Variants in SERBP1 observed in about 807,000 individuals in gnomAD.
SERBP1 encodes SERPINE1 mRNA-binding protein 1.
A neutral mutation model predicts 50.2 loss-of-function variants in SERBP1; 6 were observed. The ratio of observed to expected loss-of-function variants is 0.12; its 90% CI spans 0.07 to 0.24. The LOEUF (loss-of-function observed/expected upper bound fraction) is 0.24. SERBP1 is among the 10% of genes least tolerant of loss of function. The pLI is 1.00. For synonymous variants in SERBP1, 168 were observed against 182.8 expected (o/e 0.92, Z 0.65); for missense variants, 346 against 524.9 (o/e 0.66, Z 3.33).
At chr1:67,418,139 C>T (rs1311432195) in intron 6 of SERBP1, among the ~76,000 whole-genome samples, 1 of 151,668 alleles carries the variant, frequency 6.6e-6, no homozygotes, top group Non-Finnish European at 1.5e-5. Flanking sequence ...CCACACCAGG[C>T]TAATTTTGTA....
chr1:67,421,132 C>CA (rs112864643), intron 5 of SERBP1, among the ~76,000 whole-genome samples: 1,412 of 140,704 alleles, frequency 0.01, 6 homozygotes, highest in Non-Finnish European at 0.013. Flanking sequence ...ATCTATGCTG[C>CA]AAAAAAAAAA....
intron 6 of SERBP1, among the ~76,000 whole-genome samples, chr1:67,418,770 AT>A (rs1442931391): frequency 6.7e-5 from 10 of 148,986 alleles, no homozygotes; most frequent in Non-Finnish European, 9.0e-5. Context: ...AAAAAAAAAA[AT>A]AAAAATAACT....
chr1:67,408,339 A>T lies in SERBP1; in HGVS notation c.*4868T>A, dbSNP rs200316646. 6.6e-6 allele frequency: 1 copy of T among 152,214 alleles called. No homozygotes were observed. The highest frequency in any genetic ancestry group is 2.4e-5 in the African/African-American group (1 of 41,456). The allele number at this position is 152,214 out of a possible 1,614,324, so 9.4% of individuals were successfully genotyped here. A position where few individuals can be genotyped will look rare whatever the true frequency, so the allele number is the denominator to read the frequency against. On this transcript the variant is annotated 3_prime_UTR_variant, in exon 8 of 8. Coordinates refer to ENST00000361219, the MANE Select transcript of SERBP1 (RefSeq NM_001018069.2). ...CTCAAGAAGAGTAATGTCATACAAG[A>T]GCACTAGGAATTGCCACATACTCCC...
In SERBP1 at chr1:67,424,765, T is replaced by C. The variant is rs907903764; in HGVS notation, c.695+123A>G. The C allele has an allele frequency of 6.7e-6, 5 of 749,426 alleles. No individual in the cohort carries two copies. In the African/African-American group the frequency reaches 8.8e-5, roughly 13 times the overall value. 46.4% of individuals were successfully genotyped at this position (749,426 alleles called of 1,614,324 possible). A position where few individuals can be genotyped will look rare whatever the true frequency, so the allele number is the denominator to read the frequency against. On this transcript the variant is annotated intron_variant, in intron 4 of 7. Transcript: ENST00000361219. ...CAAACCCATCCCATAAGACATTATC[T>C]TGTAATATAGTAACTCTCAGAAGAG...
At chr1:67,416,668 C>A (rs536862067) in intron 6 of SERBP1, among the ~76,000 whole-genome samples, 5 of 152,190 alleles carry the variant, frequency 3.3e-5, no homozygotes, top group African/African-American at 1.2e-4. Flanking sequence ...CTTTAAAGTA[C>A]AAATAAATTT....
chr1:67,423,310 A>G (rs188751715), intron 5 of SERBP1, among the ~76,000 whole-genome samples: 1 of 138,332 alleles, frequency 7.2e-6, no homozygotes, highest in Admixed American at 7.4e-5. Context: ...CACACAAAAA[A>G]AAAAGTTAGT....
In SERBP1 at chr1:67,428,976, G is replaced by A. The variant is rs1424427497; in HGVS notation, c.313+1012C>T. Among the ~76,000 whole-genome samples, 3 of 152,098 alleles carry A rather than the reference G, an allele frequency of 2.0e-5. No homozygotes were observed. In the South Asian group the frequency reaches 6.2e-4, roughly 31 times the overall value. On this transcript the variant is annotated intron_variant, in intron 1 of 7. Coordinates refer to ENST00000361219, the MANE Select transcript of SERBP1 (RefSeq NM_001018069.2). ...TCATGCACGTTCTTATCTCCAAACT[G>A]CTTGCTCTTTTTTTTCATCCGCAAC...
rs397861816 is a variant in SERBP1, at chr1:67,417,971, G to GTTTTT, written c.951+2033_951+2037dup. On this transcript the variant is annotated intron_variant, in intron 6 of 7. Transcript: ENST00000361219. ...GAAGACATGTGAAAGTTAAAGTGTT[G>GTTTTT]TTTTTTTTTTTTTTTTTTTTTTTTG... 5.6e-3 allele frequency among the ~76,000 whole-genome samples: 433 copies of GTTTTT among 76,802 alleles called. 7 individuals are homozygous for GTTTTT. The highest frequency in any genetic ancestry group is 6.6e-3 in the African/African-American group (120 of 18,198). 50.4% of individuals were successfully genotyped at this position (76,802 alleles called of 152,430 possible). A position where few individuals can be genotyped will look rare whatever the true frequency, so the allele number is the denominator to read the frequency against.
intron 6 of SERBP1, among the ~76,000 whole-genome samples, chr1:67,418,672 C>T (rs1038102389): frequency 9.2e-5 from 14 of 151,914 alleles, no homozygotes; most frequent in Non-Finnish European, 2.1e-4. Flanking sequence ...GACACAAGAA[C>T]TGTTTGAATC....
chr1:67,419,167 C>A (rs1667125673), intron 6 of SERBP1, among the ~76,000 whole-genome samples: 1 of 152,210 alleles, frequency 6.6e-6, no homozygotes, highest in African/African-American at 2.4e-5. Flanking sequence ...CCTTTTCTTC[C>A]TATCCAAAAT....
At position 67,425,174 on chromosome 1, in the gene SERBP1, G is replaced by C; in HGVS notation, c.514C>G (p.Arg172Gly). The C allele has an allele frequency of 3.7e-6, 6 of 1,610,980 alleles. No homozygotes were observed. The highest frequency in any genetic ancestry group is 5.1e-6 in the Non-Finnish European group (6 of 1,179,522). The change falls in exon 3 of 8, where the codon CGA (arginine) becomes GGA (glycine). Residue 172 changes from arginine to glycine, a missense_variant. Arg to Gly is a moderately radical substitution (Grantham distance 125, BLOSUM62 -2). This residue lies in a region of SERBP1 where 257 missense variants were observed against 331.2 expected (regional missense o/e 0.78). Transcript: ENST00000361219. ...CCCATTCCACGTCCACGGCCCCCTC[G>C]ACCTCTTCCAAGACCACCACGACCT... The part of the protein sequence containing the change: ...IRGRGGLGRG[R>G]GGRGRGMGRG...
rs1264979811 is a variant in SERBP1 at position 67,408,575 on chromosome 1, A to AG, written c.*4631_*4632insC. On this transcript the variant is annotated 3_prime_UTR_variant, in exon 8 of 8. Transcript: ENST00000361219. Reference sequence around the variant, plus strand: ...CAAATGGGAATTCTAAGCTCAAAAAAAAAAAAAAAAAGATGCAATCTCCAG... The same window carrying AG: ...CAAATGGGAATTCTAAGCTCAAAAAAGAAAAAAAAAAAGATGCAATCTCCAG... 1 of 151,758 alleles carries AG rather than the reference A, an allele frequency of 6.6e-6. No individual in the cohort carries two copies. Among genetic ancestry groups the AG allele is most frequent in the Non-Finnish European group, 1.5e-5 (1 of 67,904 alleles). 9.4% of individuals were successfully genotyped at this position (151,758 alleles called of 1,614,324 possible).
At position 67,410,294 on chromosome 1, in the gene SERBP1, G is replaced by A. The variant is rs1222840035; in HGVS notation, c.*2913C>T. ...TTTTCGAAATCCAATACACATTTAG[G>A]CTTTGTATGCAACTCCCTGTTCTAT... On this transcript the variant is annotated 3_prime_UTR_variant, in exon 8 of 8. Coordinates refer to ENST00000361219, the MANE Select transcript of SERBP1 (RefSeq NM_001018069.2). The A allele has an allele frequency of 6.6e-6, 1 of 152,044 alleles. No homozygotes were observed. The highest frequency in any genetic ancestry group is 1.5e-5 in the Non-Finnish European group (1 of 68,004). 9.4% of individuals were successfully genotyped at this position (152,044 alleles called of 1,614,324 possible). A position where few individuals can be genotyped will look rare whatever the true frequency, so the allele number is the denominator to read the frequency against.
At chr1:67,421,779 C>T (rs1667205017) in intron 5 of SERBP1, among the ~76,000 whole-genome samples, 1 of 152,050 alleles carries the variant, frequency 6.6e-6, no homozygotes, top group Non-Finnish European at 1.5e-5. Flanking sequence ...CATGGTGTAA[C>T]CATGTCTCTA....
rs755916539 is a variant in SERBP1, at chr1:67,413,274, A to G, written c.1126-11T>C. 1.1e-5 allele frequency: 17 copies of G among 1,581,770 alleles called. No homozygotes were observed. Among genetic ancestry groups the G allele is most frequent in the Non-Finnish European group, 1.5e-5 (17 of 1,168,684 alleles). Reference sequence around the variant, plus strand: ...AGCAGAAGCACTTGACTGAAAAAGAAAAACCAAAATTAACCACAGTTCTCA... The same window carrying G: ...AGCAGAAGCACTTGACTGAAAAAGAGAAACCAAAATTAACCACAGTTCTCA... On this transcript the variant is annotated splice_polypyrimidine_tract_variant and intron_variant, in intron 7 of 7. Coordinates refer to ENST00000361219, the MANE Select transcript of SERBP1 (RefSeq NM_001018069.2).
At chr1:67,419,966 G>T (rs760912631) in intron 6 of SERBP1, 43 bp downstream of exon 6, 2 of 1,542,112 alleles carry the variant, frequency 1.3e-6, no homozygotes, top group African/African-American at 1.4e-5. Flanking sequence ...TACAATTCAA[G>T]TCACATCTGA....
At chr1:67,417,355 G>A (rs1667046370) in intron 6 of SERBP1, 1 of 152,034 alleles carries the variant, frequency 6.6e-6, no homozygotes, top group African/African-American at 2.4e-5. Flanking sequence ...TAAAGTATAG[G>A]GAAAACGTGT....
chr1:67,428,781 A>G (rs1049342716), intron 1 of SERBP1, among the ~76,000 whole-genome samples: 13 of 152,234 alleles, frequency 8.5e-5, no homozygotes, highest in African/African-American at 3.1e-4. Flanking sequence ...TACCACGAGA[A>G]AATTGTTTTG....
Position 67,409,168 on chromosome 1 carries a change from C to CAGTG in SERBP1, c.*4035_*4038dup, listed in dbSNP as rs1024246573. On this transcript the variant is annotated 3_prime_UTR_variant, in exon 8 of 8. Coordinates refer to ENST00000361219, the MANE Select transcript of SERBP1 (RefSeq NM_001018069.2). ...GCTTGAACCCGGGAGGTGGAGGCTGCAGTGACCTGAGATCATGCCACTGCA... is the reference window on the plus strand; with the variant it reads ...GCTTGAACCCGGGAGGTGGAGGCTGCAGTGAGTGACCTGAGATCATGCCACTGCA... The CAGTG allele has an allele frequency of 6.6e-6, 1 of 151,998 alleles. No homozygotes were observed. Among genetic ancestry groups the CAGTG allele is most frequent in the African/African-American group, 2.4e-5 (1 of 41,314 alleles). The allele number at this position is 151,998 out of a possible 1,614,324, so 9.4% of individuals were successfully genotyped here.
Sources: allele counts gnomAD v4.1 joint callset (sites outside exome capture counted in the v4.1 genomes callset), GRCh38; gene constraint gnomAD v4.1.1; regional missense constraint gnomAD v4.1.1; transcripts MANE v1.5; gene names NCBI Gene and HGNC (gene_info 2026-07-23, HGNC 2026-07-21).